Variants in CCDC88A observed in about 807,000 individuals in gnomAD.
CCDC88A encodes girdin.
CCDC88A carries 54 observed loss-of-function variants against 234.3 expected under a neutral mutation model. That is an observed-to-expected ratio of 0.23 (90% CI 0.19 to 0.29). CCDC88A has a LOEUF of 0.29. Among genes scored for constraint, CCDC88A ranks in the 10% least tolerant of loss-of-function variants. The pLI is 1.00. For missense variants in CCDC88A, 1,832 were observed against 2,123.4 expected (o/e 0.86, Z 2.70); for synonymous variants, 753 against 737.8 (o/e 1.02, Z -0.33).
rs113270002 is a variant in CCDC88A at position 55,301,176 on chromosome 2, G to A, written c.4744+30C>T. On this transcript the variant is annotated intron_variant, in intron 28 of 32. Transcript: ENST00000436346. The stretch of plus-strand genomic sequence containing the variant: ...AGCATTCCCATTCTGTATTTAATGT[G>A]TACTCTCTAAATAAGGTTCATTATC... The A allele has an allele frequency of 2.4e-3, 3,071 of 1,295,856 alleles. 47 individuals are homozygous for A. In the African/African-American group the frequency reaches 0.035, roughly 15 times the overall value. The allele number at this position is 1,295,856 out of a possible 1,614,324, so 80.3% of individuals were successfully genotyped here.
At chr2:55,338,885 C>A (rs938431470) in intron 13 of CCDC88A, 1 of 151,702 alleles carries the variant, frequency 6.6e-6, no homozygotes, top group Non-Finnish European at 1.5e-5. Context: ...CACTAGTTCT[C>A]TCAAGAAGAT....
intron 12 of CCDC88A, 129 bp downstream of exon 12, chr2:55,343,519 G>A: frequency 2.9e-6 from 2 of 679,046 alleles, no homozygotes; most frequent in Admixed American, 3.3e-5. Flanking sequence ...ATTACTGTGT[G>A]AAATCATATC....
At chr2:55,325,806 A>C (rs1410896867) in intron 17 of CCDC88A, among the ~76,000 whole-genome samples, 1 of 152,160 alleles carries the variant, frequency 6.6e-6, no homozygotes, top group Non-Finnish European at 1.5e-5. Context: ...TATCTCTGTT[A>C]TTAGGTGCAT....
In CCDC88A at chr2:55,295,817, A is replaced by G. The variant is rs1429406386; in HGVS notation, c.5331T>C (p.Thr1777=). ...CTTTTACTAATTTTATTTTTCCTTGAGTGCCTGGTGTAGGTTTTCCCGCAG... is the reference window on the plus strand; with the variant it reads ...CTTTTACTAATTTTATTTTTCCTTGGGTGCCTGGTGTAGGTTTTCCCGCAG... ...ISSAGKPTPG[T]QGKIKLVKES... The change falls in exon 31 of 33, where the codon ACT becomes ACC. Residue 1777 remains threonine (T), a synonymous_variant. Transcript: ENST00000436346. The G allele has an allele frequency of 1.2e-6, 2 of 1,614,098 alleles. No individual in the cohort carries two copies. The highest frequency in any genetic ancestry group is 1.7e-6 in the Non-Finnish European group (2 of 1,180,010).
chr2:55,366,460 G>A (rs924694708), intron 5 of CCDC88A, among the ~76,000 whole-genome samples: 1 of 151,868 alleles, frequency 6.6e-6, no homozygotes, highest in South Asian at 2.1e-4. Flanking sequence ...CCAGGAGGCG[G>A]AGGTTGTAGT....
At chr2:55,361,005 G>A (rs933116123) in intron 7 of CCDC88A, among the ~76,000 whole-genome samples, 26 of 152,126 alleles carry the variant, frequency 1.7e-4, no homozygotes, top group African/African-American at 6.0e-4. Context: ...AGAATTGCTT[G>A]AACCTGGGAG....
intron 2 of CCDC88A, among the ~76,000 whole-genome samples, chr2:55,398,468 T>C (rs1678004613): frequency 6.6e-6 from 1 of 152,206 alleles, no homozygotes. Flanking sequence ...CTTCCCATTA[T>C]AAGGCTTGAG....
rs757333737 is a variant in CCDC88A, at chr2:55,419,087, A to C, written c.-8T>G. 6.3e-7 allele frequency: 1 copy of C among 1,594,224 alleles called. No homozygotes were observed. Among genetic ancestry groups the C allele is most frequent in the Non-Finnish European group, 8.6e-7 (1 of 1,162,648 alleles). On this transcript the variant is annotated 5_prime_UTR_variant, in exon 1 of 33. Coordinates refer to ENST00000436346, the MANE Select transcript of CCDC88A (RefSeq NM_001365480.1). ...AAAAATTTCGTTCTCCATTTTACAG[A>C]GTATGTATTTGAAAAAAGGAACTAC... is the stretch of plus-strand genomic sequence containing the variant.
rs1683277481 is a variant in CCDC88A, at chr2:55,318,871, G to C, written c.3296C>G (p.Thr1099Ser). Residue 1099 changes from threonine (T) to serine (S), a missense_variant, in exon 19 of 33, where the codon ACT (threonine) becomes AGT (serine). Physicochemically the swap from Thr to Ser is moderately conservative, Grantham distance 58. This residue lies in a region of CCDC88A where 1,282 missense variants were observed against 1,543.6 expected (regional missense o/e 0.83). Transcript: ENST00000436346. ...AAGCTTGGCATTCTGTGTTTGAAGA[G>C]TGGTATTCTGTTCTTGTAATGACAC... ...QTVSLQEQNTTLQTQNAKLQV... is the reference protein window; with the variant it reads ...QTVSLQEQNTSLQTQNAKLQV... The C allele has an allele frequency of 6.2e-7, 1 of 1,611,246 alleles. No homozygotes were observed. Among genetic ancestry groups the C allele is most frequent in the Non-Finnish European group, 8.5e-7 (1 of 1,178,294 alleles).
chr2:55,317,818 G>T lies in CCDC88A; in HGVS notation c.3348C>A (p.Ser1116=). The T allele has an allele frequency of 6.2e-7, 1 of 1,602,806 alleles. No individual in the cohort carries two copies. The highest frequency in any genetic ancestry group is 1.1e-5 in the South Asian group (1 of 89,848). ...TCTGGTTCATGAGTGAGGTACTTTG[G>T]GAATTAAGGGTGGAATTTTCAACCT... The part of the protein sequence containing the change: ...KLQVENSTLN[S]QSTSLMNQNA... The change falls in exon 20 of 33, where the codon TCC becomes TCA. Residue 1116 remains serine, a synonymous_variant. Coordinates refer to ENST00000436346, the MANE Select transcript of CCDC88A (RefSeq NM_001365480.1). The surrounding 1 kb of genome is among the most constrained non-coding windows in gnomAD (Gnocchi z 4.2).
At chr2:55,305,601 C>G (rs1410362187) in intron 25 of CCDC88A, among the ~76,000 whole-genome samples, 1 of 152,166 alleles carries the variant, frequency 6.6e-6, no homozygotes, top group Non-Finnish European at 1.5e-5. Flanking sequence ...AATCCCAGCA[C>G]TTTGGGAGAC....
At chr2:55,297,621 G>A (rs1680354312) in intron 29 of CCDC88A, among the ~76,000 whole-genome samples, 1 of 150,826 alleles carries the variant, frequency 6.6e-6, no homozygotes, top group Admixed American at 6.7e-5. Context: ...ATGTTGGCCA[G>A]GTTGGTCTGT....
intron 25 of CCDC88A, 139 bp from the exon 26 acceptor site, chr2:55,303,291 A>G (rs1429477742): frequency 7.9e-6 from 5 of 629,592 alleles, no homozygotes; most frequent in Non-Finnish European, 1.2e-5. Flanking sequence ...TATTAAGGCT[A>G]TTATTCTCAT....
At position 55,335,122 on chromosome 2, in the gene CCDC88A, C is replaced by A; in HGVS notation, c.1699G>T (p.Val567Leu). Residue 567 changes from valine to leucine, a missense_variant, in exon 15 of 33, where the codon GTG (valine) becomes TTG (leucine). Val to Leu is a conservative substitution (Grantham distance 32). Coordinates refer to ENST00000436346, the MANE Select transcript of CCDC88A (RefSeq NM_001365480.1). The surrounding 1 kb of genome is among the most constrained non-coding windows in gnomAD (Gnocchi z 4.5). ...TGGGACCGCTGCCTTAAGGAAGACA[C>A]TGTTTGATTCAGATGTTCATTTTCC... ...EQENEHLNQT[V>L]SSLRQRSQIS... 1 of 1,563,290 alleles carries A rather than the reference C, an allele frequency of 6.4e-7. No homozygotes were observed. Among genetic ancestry groups the A allele is most frequent in the Non-Finnish European group, 8.6e-7 (1 of 1,160,646 alleles).
At position 55,334,123 on chromosome 2, in the gene CCDC88A, C is replaced by T; in HGVS notation, c.2698G>A (p.Asp900Asn). Residue 900 changes from aspartate (D) to asparagine (N), a missense_variant, in exon 15 of 33, where the codon GAT (aspartate) becomes AAT (asparagine). Transcript: ENST00000436346. This position sits in a 1 kb window ranked among gnomAD's most constrained non-coding sequence, Gnocchi z 6.1. ...CGTAGTGTAACCAACGTTTTTATAT[C>T]AATAGTTGCTCTTTTCACAAGCTCC... ...NKELVKRATIDIKTLVTLRED... is the reference protein window; with the variant it reads ...NKELVKRATINIKTLVTLRED... 1 of 1,322,830 alleles carries T rather than the reference C, an allele frequency of 7.6e-7. No individual in the cohort carries two copies. Among genetic ancestry groups the T allele is most frequent in the East Asian group, 2.8e-5 (1 of 36,102 alleles). The allele number at this position is 1,322,830 out of a possible 1,614,324, so 81.9% of individuals were successfully genotyped here. A position where few individuals can be genotyped will look rare whatever the true frequency, so the allele number is the denominator to read the frequency against.
intron 4 of CCDC88A, among the ~76,000 whole-genome samples, chr2:55,373,945 C>CA (rs1440577786): frequency 6.6e-6 from 1 of 152,146 alleles, no homozygotes; most frequent in Non-Finnish European, 1.5e-5. Flanking sequence ...CTAATTTCCT[C>CA]AACTGTTCAA....
At chr2:55,389,194 A>T (rs1676187109) in intron 2 of CCDC88A, among the ~76,000 whole-genome samples, 2 of 152,214 alleles carry the variant, frequency 1.3e-5, no homozygotes, top group Non-Finnish European at 2.9e-5. Context: ...CTTTGAATAT[A>T]TAGTTCTATC....
intron 3 of CCDC88A, among the ~76,000 whole-genome samples, chr2:55,385,712 G>A (rs189003524): frequency 3.1e-3 from 477 of 151,716 alleles, no homozygotes; most frequent in African/African-American, 0.011. Context: ...AATTAGCCGG[G>A]CCTGGTGGCA....
Position 55,341,449 on chromosome 2 carries a change from CT to C in CCDC88A, c.1334-1802del, listed in dbSNP as rs1210854798. On this transcript the variant is annotated intron_variant, in intron 12 of 32. Transcript: ENST00000436346. ...CACCATGCCCGGCACTCCCCGCCCC[CT>C]TTTTTTTTTTCTGGGACAGAGTCTC... 3.7e-4 allele frequency among the ~76,000 whole-genome samples: 51 copies of C among 136,920 alleles called. No individual in the cohort carries two copies. The East Asian group carries it at 3.8e-3, about 10-fold the overall frequency. 89.8% of individuals were successfully genotyped at this position (136,920 alleles called of 152,430 possible).
Sources: allele counts gnomAD v4.1 joint callset (sites outside exome capture counted in the v4.1 genomes callset), GRCh38; gene constraint gnomAD v4.1.1; regional missense constraint gnomAD v4.1.1; non-coding constraint Gnocchi (gnomAD v3.1); transcripts MANE v1.5; gene names NCBI Gene and HGNC (gene_info 2026-07-23, HGNC 2026-07-21).